Variants in FOXP1 observed in about 807,000 individuals in gnomAD.
The protein encoded by FOXP1 is forkhead box P1.
FOXP1 carries 15 observed loss-of-function variants against 98.2 expected under a neutral mutation model. That is an observed-to-expected ratio of 0.15 (90% CI 0.10 to 0.24). The LOEUF (loss-of-function observed/expected upper bound fraction) is 0.24, where lower values mean the gene tolerates loss of function less well. Among genes scored for constraint, FOXP1 ranks in the 10% least tolerant of loss-of-function variants. FOXP1 has a pLI of 1.00. For missense variants in FOXP1, 633 were observed against 848.5 expected (o/e 0.75, Z 3.15); for synonymous variants, 371 against 314.5 (o/e 1.18, Z -1.90).
At chr3:71,397,223 C>T (rs1188387422) in intron 3 of FOXP1, among the ~76,000 whole-genome samples, 4 of 150,352 alleles carry the variant, frequency 2.7e-5, no homozygotes, top group Non-Finnish European at 5.9e-5. Context: ...AGTGGCAGTC[C>T]CTGGAATTGC....
At chr3:71,173,227 T>G (rs1341356852) in intron 6 of FOXP1, among the ~76,000 whole-genome samples, 2 of 152,098 alleles carry the variant, frequency 1.3e-5, no homozygotes, top group African/African-American at 4.8e-5. Flanking sequence ...ATCATCATAG[T>G]TGGATAGGAA....
intron 5 of FOXP1, among the ~76,000 whole-genome samples, chr3:71,277,224 C>T (rs947609436): frequency 2.0e-5 from 3 of 150,380 alleles, no homozygotes; most frequent in Non-Finnish European, 3.0e-5. Flanking sequence ...TTCCAAAGTG[C>T]TGGGATTACA....
intron 5 of FOXP1, among the ~76,000 whole-genome samples, chr3:71,199,732 T>C (rs1396746837): frequency 1.3e-5 from 2 of 150,454 alleles, no homozygotes; most frequent in Non-Finnish European, 2.9e-5. Flanking sequence ...AGGGTGAGAC[T>C]CCGTCTCAAA....
In FOXP1 at chr3:70,977,820, G is replaced by GT; in HGVS notation, c.1348+7dup. On this transcript the variant is annotated splice_region_variant and intron_variant, in intron 15 of 20. Coordinates refer to ENST00000649528, the MANE Select transcript of FOXP1 (RefSeq NM_001349338.3). The stretch of plus-strand genomic sequence containing the variant: ...AACTCTACGTGAGGCAAAAGGTGGA[G>GT]TATCTACCTGACGAAATGGGCACGT... 1 of 1,613,538 alleles carries GT rather than the reference G, an allele frequency of 6.2e-7. No individual in the cohort carries two copies. Among genetic ancestry groups the GT allele is most frequent in the Non-Finnish European group, 8.5e-7 (1 of 1,179,438 alleles).
At chr3:71,101,691 A>AC (rs1553738855) in intron 7 of FOXP1, among the ~76,000 whole-genome samples, 35 of 151,912 alleles carry the variant, frequency 2.3e-4, no homozygotes, top group African/African-American at 8.4e-4. Flanking sequence ...AAAAAAAAAA[A>AC]AAAACACCAC....
chr3:71,240,735 C>T (rs1342154557), intron 5 of FOXP1, among the ~76,000 whole-genome samples: 3 of 151,184 alleles, frequency 2.0e-5, no homozygotes, highest in East Asian at 2.0e-4. Context: ...TTAGTAGAGA[C>T]AGGGTTTCAC....
Position 71,354,258 on chromosome 3 carries a change from A to G in FOXP1, c.-73+4892T>C, listed in dbSNP as rs548207619. 2.4e-4 allele frequency among the ~76,000 whole-genome samples: 37 copies of G among 152,008 alleles called. No homozygotes were observed. The South Asian group carries it at 7.5e-3, about 31-fold the overall frequency. On this transcript the variant is annotated intron_variant, in intron 4 of 20. Transcript: ENST00000649528. ...GCGCCACTGCGCTCCAGCCTGGGTG[A>G]CAGAGCGAGACTCCGTCTCCAGAAA...
chr3:71,291,147 C>A (rs2072714241), intron 5 of FOXP1, among the ~76,000 whole-genome samples: 1 of 152,194 alleles, frequency 6.6e-6, no homozygotes, highest in Admixed American at 6.5e-5. Context: ...GTTGTCCACT[C>A]CCTCTAAACC....
At chr3:71,002,033 C>T (rs1383282211) in intron 12 of FOXP1, among the ~76,000 whole-genome samples, 2 of 152,116 alleles carry the variant, frequency 1.3e-5, no homozygotes, top group Admixed American at 6.6e-5. Flanking sequence ...ACAGGGACAG[C>T]TGATTTTTAA....
chr3:71,516,979 G>C (rs2042628814), intron 2 of FOXP1, among the ~76,000 whole-genome samples: 1 of 152,224 alleles, frequency 6.6e-6, no homozygotes, highest in African/African-American at 2.4e-5. Flanking sequence ...CTGTGTGTGT[G>C]CTTTCTCTTT....
intron 2 of FOXP1, among the ~76,000 whole-genome samples, chr3:71,512,981 G>A (rs2042306276): frequency 6.6e-6 from 1 of 152,144 alleles, no homozygotes; most frequent in Admixed American, 6.5e-5. Context: ...ACACACAGAA[G>A]GATCCCTGAG....
At chr3:71,101,461 A>C (rs888349262) in intron 7 of FOXP1, among the ~76,000 whole-genome samples, 4 of 152,152 alleles carry the variant, frequency 2.6e-5, no homozygotes, top group African/African-American at 7.2e-5. Flanking sequence ...GAAAGAAAAC[A>C]GCATGGAGGC....
Position 71,199,311 on chromosome 3 carries a change from G to T in FOXP1, c.-11-919C>A, listed in dbSNP as rs527550081. On this transcript the variant is annotated intron_variant, in intron 5 of 20. Transcript: ENST00000649528. ...GTAGAGACAGGGTTTCACCATATTGGCCAGGCTGGTTTTGAACTCATGACC... is the reference window on the plus strand; with the variant it reads ...GTAGAGACAGGGTTTCACCATATTGTCCAGGCTGGTTTTGAACTCATGACC... Among the ~76,000 whole-genome samples, 4 of 151,670 alleles carry T rather than the reference G, an allele frequency of 2.6e-5. No individual in the cohort carries two copies. In the South Asian group the frequency reaches 8.3e-4, roughly 32 times the overall value.
chr3:71,460,380 C>T (rs949384770), intron 3 of FOXP1, among the ~76,000 whole-genome samples: 1 of 152,058 alleles, frequency 6.6e-6, no homozygotes, highest in Non-Finnish European at 1.5e-5. Context: ...GCTGGTGACA[C>T]AGCCACCTAC....
chr3:71,504,691 G>A (rs2041675037), intron 2 of FOXP1, among the ~76,000 whole-genome samples: 1 of 152,156 alleles, frequency 6.6e-6, no homozygotes, highest in Non-Finnish European at 1.5e-5. Context: ...GAGGCGCCAA[G>A]GGAAGAGCTG....
intron 6 of FOXP1, among the ~76,000 whole-genome samples, chr3:71,134,006 C>A (rs1206132108): frequency 1.3e-5 from 2 of 152,156 alleles, no homozygotes; most frequent in Admixed American, 1.3e-4. Flanking sequence ...TGGGTGTCTC[C>A]TTGTTTATTC....
chr3:71,067,465 A>G (rs921773147), intron 7 of FOXP1, among the ~76,000 whole-genome samples: 3 of 152,210 alleles, frequency 2.0e-5, no homozygotes, highest in African/African-American at 4.8e-5. Flanking sequence ...AAAGCTGAAT[A>G]AGAAAGGCCA....
intron 5 of FOXP1, among the ~76,000 whole-genome samples, chr3:71,227,465 C>T (rs1409446701): frequency 6.6e-6 from 1 of 152,178 alleles, no homozygotes; most frequent in Non-Finnish European, 1.5e-5. Flanking sequence ...CCAGCTTAGT[C>T]TAGAGCTTAT....
chr3:71,181,127 G>A (rs559162159), intron 6 of FOXP1, among the ~76,000 whole-genome samples: 1 of 152,234 alleles, frequency 6.6e-6, no homozygotes, highest in African/African-American at 2.4e-5. Context: ...CCATGGAGAA[G>A]GGTTCTCCTT....
Sources: allele counts gnomAD v4.1 joint callset (sites outside exome capture counted in the v4.1 genomes callset), GRCh38; gene constraint gnomAD v4.1.1; transcripts MANE v1.5; gene names NCBI Gene and HGNC (gene_info 2026-07-23, HGNC 2026-07-21).